RASSF3: variants seen among roughly 807,000 people sequenced by gnomAD.
RASSF3 encodes Ras association domain family member 3.
A neutral mutation model predicts 19.9 loss-of-function variants in RASSF3; 19 were observed. The observed-to-expected ratio is 0.96, with a 90% CI of 0.67 to 1.40. The LOEUF (loss-of-function observed/expected upper bound fraction) is 1.40, where lower values mean the gene tolerates loss of function less well. Ranked by LOEUF, RASSF3 falls within the 40% of genes most tolerant of loss-of-function variation. The pLI is 0.00. For missense variants in RASSF3, 306 were observed against 289.8 expected, an observed-to-expected ratio of 1.06 and a Z score of -0.41; for synonymous variants, 110 against 104.2, an observed-to-expected ratio of 1.06 and a Z score of -0.34.
At chr12:64,562,166 G>A (rs1869359529) in intron 2 of RASSF3, among the ~76,000 whole-genome samples, 1 of 152,004 alleles carries the variant, frequency 6.6e-6, no homozygotes, top group Non-Finnish European at 1.5e-5. Context: ...TCAGCCTCCT[G>A]GGTAGCTGGG....
At chr12:64,577,866 C>T (rs1211669129) in intron 2 of RASSF3, among the ~76,000 whole-genome samples, 3 of 152,128 alleles carry the variant, frequency 2.0e-5, no homozygotes, top group East Asian at 1.9e-4. Flanking sequence ...TGATTATATG[C>T]GAAGATGTCT....
At chr12:64,537,995 C>CTT (rs1306662084) in intron 1 of RASSF3, among the ~76,000 whole-genome samples, 3 of 144,150 alleles carry the variant, frequency 2.1e-5, no homozygotes, top group African/African-American at 7.6e-5. Flanking sequence ...CTCGCCTCCT[C>CTT]TTTTTTTTTT....
chr12:64,572,166 G>A (rs1869528922), intron 2 of RASSF3, among the ~76,000 whole-genome samples: 2 of 152,200 alleles, frequency 1.3e-5, no homozygotes, highest in East Asian at 1.9e-4. Context: ...TATGCTATGA[G>A]CTGAATCGTG....
chr12:64,643,384 T>C (rs1871614056), intron 1 of RASSF3, among the ~76,000 whole-genome samples: 1 of 152,062 alleles, frequency 6.6e-6, no homozygotes, highest in Non-Finnish European at 1.5e-5. Flanking sequence ...ACAGCATGTA[T>C]AGAAGCCGGT....
intron 1 of RASSF3, among the ~76,000 whole-genome samples, chr12:64,637,849 T>A (rs1054984557): frequency 5.3e-5 from 8 of 150,594 alleles, no homozygotes; most frequent in East Asian, 3.9e-4. Flanking sequence ...TTTTTTTTTT[T>A]AAAGACAGAG....
chr12:64,550,820 CA>C (rs59308298), intron 2 of RASSF3, among the ~76,000 whole-genome samples: 61 of 75,910 alleles, frequency 8.0e-4, no homozygotes, highest in Admixed American at 8.3e-4. Context: ...GACTCCATCT[CA>C]AAAAAAAAAA....
chr12:64,620,858 T>C (rs2136163025), intron 1 of RASSF3, among the ~76,000 whole-genome samples: 1 of 152,290 alleles, frequency 6.6e-6, no homozygotes, highest in East Asian at 1.9e-4. Flanking sequence ...TTGGATATAG[T>C]CATTAAAATA....
exon 1 of RASSF3, chr12:64,507,203 G>C: frequency 2.5e-6 from 1 of 398,582 alleles, no homozygotes; most frequent in Non-Finnish European, 4.4e-6. Flanking sequence ...CCTGGTTCTC[G>C]CTATGGCCAT....
At chr12:64,629,106 C>CT (rs776053378) in intron 1 of RASSF3, among the ~76,000 whole-genome samples, 2,608 of 136,226 alleles carry the variant, frequency 0.019, 70 homozygotes, top group East Asian at 0.1. Context: ...GACTAATTTT[C>CT]TTTTTTTTTT....
At chr12:64,602,848 T>A (rs1592414254) in intron 2 of RASSF3, among the ~76,000 whole-genome samples, 1 of 152,254 alleles carries the variant, frequency 6.6e-6, no homozygotes, top group East Asian at 1.9e-4. Context: ...ACGCCTGTAA[T>A]CCCAGCACTT....
chr12:64,509,177 C>T (rs958973918), intron 1 of RASSF3, among the ~76,000 whole-genome samples: 7 of 152,072 alleles, frequency 4.6e-5, no homozygotes, highest in Non-Finnish European at 7.4e-5. Flanking sequence ...AGGCCAGGGG[C>T]GGTGGCTCAT....
intron 2 of RASSF3, among the ~76,000 whole-genome samples, chr12:64,557,595 G>A (rs1869275704): frequency 6.6e-6 from 1 of 152,192 alleles, no homozygotes; most frequent in South Asian, 2.1e-4. Flanking sequence ...GAGTCTCCCA[G>A]TGGGTCACTG....
chr12:64,599,901 G>A (rs568888669), intron 2 of RASSF3, among the ~76,000 whole-genome samples: 136 of 151,706 alleles, frequency 9.0e-4, no homozygotes, highest in Middle Eastern at 3.4e-3. Context: ...GCGTGGTGGC[G>A]GGCGCCTGTA....
Position 64,697,117 on chromosome 12 carries a change from C to G in RASSF3, c.*2205C>G, listed in dbSNP as rs2136229394. On this transcript the variant is annotated 3_prime_UTR_variant, in exon 5 of 5. Coordinates refer to ENST00000542104, the MANE Select transcript of RASSF3 (RefSeq NM_178169.4). ...AGATTGTCTGAATAGGCATCCTCAT[C>G]TATATTTACCCAAAACCTCGCTTAC... 7.4e-6 allele frequency: 1 copy of G among 135,346 alleles called. No individual in the cohort carries two copies. The allele number at this position is 135,346 out of a possible 1,614,324, so 8.4% of individuals were successfully genotyped here. A position where few individuals can be genotyped will look rare whatever the true frequency, so the allele number is the denominator to read the frequency against.
chr12:64,628,823 G>A (rs1015156056), intron 1 of RASSF3, among the ~76,000 whole-genome samples: 1 of 152,064 alleles, frequency 6.6e-6, no homozygotes, highest in Admixed American at 6.6e-5. Context: ...CTTGCTTCAA[G>A]TGTCTCCTTT....
At chr12:64,586,958 C>T (rs1198833006) in intron 2 of RASSF3, among the ~76,000 whole-genome samples, 4 of 151,770 alleles carry the variant, frequency 2.6e-5, no homozygotes, top group Admixed American at 2.6e-4. Context: ...ATAATTTACC[C>T]CAAACTACTC....
chr12:64,628,008 A>G (rs1871050034), intron 1 of RASSF3, among the ~76,000 whole-genome samples: 1 of 152,188 alleles, frequency 6.6e-6, no homozygotes, highest in South Asian at 2.1e-4. Context: ...AAACAGCTAT[A>G]TTAGGTCATA....
At chr12:64,558,111 C>T (rs974068769) in intron 2 of RASSF3, among the ~76,000 whole-genome samples, 5 of 152,156 alleles carry the variant, frequency 3.3e-5, no homozygotes, top group Middle Eastern at 3.2e-3. Flanking sequence ...TTCTCTTGCT[C>T]AAGGAATAGT....
At chr12:64,542,558 C>A (rs907841219), downstream of RASSF3, among the ~76,000 whole-genome samples, 1 of 152,192 alleles carries the variant, frequency 6.6e-6, no homozygotes, top group Admixed American at 6.5e-5. Flanking sequence ...ACTATAGCAT[C>A]CCCTCTCCTG....
Sources: gnomAD v4.1 joint callset for allele counts (sites outside exome capture counted in the v4.1 genomes callset) on GRCh38, gnomAD v4.1.1 for gene constraint, MANE v1.5 for transcripts, NCBI Gene and HGNC (gene_info 2026-07-23, HGNC 2026-07-21) for gene names.